GLB1: variants seen among roughly 807,000 people sequenced by gnomAD.
GLB1 encodes beta-galactosidase.
In GLB1, 56 loss-of-function variants were observed where a neutral mutation model predicts 74.0. The ratio of observed to expected loss-of-function variants is 0.76; its 90% CI spans 0.61 to 0.94. The LOEUF (loss-of-function observed/expected upper bound fraction) is 0.94. Ranked by LOEUF, GLB1 falls within the 40% of genes least tolerant of loss-of-function variation. The pLI, the probability that GLB1 is intolerant of heterozygous loss-of-function variation, is 0.00. For synonymous variants in GLB1, 323 were observed against 323.6 expected, an observed-to-expected ratio of 1.00 and a Z score of 0.02; for missense variants, 787 against 845.5, an observed-to-expected ratio of 0.93 and a Z score of 0.86.
chr3:33,053,444 T>C, intron 7 of GLB1, 47 bp downstream of exon 7: 2 of 1,613,988 alleles, frequency 1.2e-6, no homozygotes, highest in Non-Finnish European at 8.5e-7. Flanking sequence ...GCATGTAACT[T>C]TTCTCTCTTA....
the GLB1 span, among the ~76,000 whole-genome samples, chr3:32,985,256 AT>A: frequency 6.6e-6 from 1 of 151,782 alleles, no homozygotes; most frequent in Non-Finnish European, 1.5e-5. Context: ...TATTTTATGC[AT>A]CTGCATGTTT....
intron 1 of GLB1, chr3:33,092,739 G>A: frequency 6.6e-7 from 1 of 1,504,648 alleles, no homozygotes; most frequent in African/African-American, 1.4e-5. Context: ...AGGATGAGTG[G>A]GCAAGGCTGG....
intron 1 of GLB1, among the ~76,000 whole-genome samples, chr3:33,075,872 T>G (rs1388656419): frequency 6.6e-6 from 1 of 151,730 alleles, no homozygotes; most frequent in African/African-American, 2.4e-5. Flanking sequence ...AAATCCCATC[T>G]CTACTAAAAA....
At chr3:33,042,285 C>T (rs955766443) in intron 10 of GLB1, among the ~76,000 whole-genome samples, 1 of 151,032 alleles carries the variant, frequency 6.6e-6, no homozygotes, top group African/African-American at 2.4e-5. Context: ...CCATTACATT[C>T]AGAGTAAAAG....
chr3:32,994,747 C>T (rs1354344509), downstream of GLB1, among the ~76,000 whole-genome samples: 2 of 151,966 alleles, frequency 1.3e-5, no homozygotes, highest in Non-Finnish European at 2.9e-5. Context: ...ACGGCAAAAC[C>T]CCGTCTCTGC....
the GLB1 span, among the ~76,000 whole-genome samples, chr3:32,986,803 C>T: frequency 2.9e-3 from 441 of 152,226 alleles, 4 homozygotes; most frequent in African/African-American, 0.01. Flanking sequence ...GTTGGTCAGG[C>T]TGGTCATGAA....
Position 33,093,045 on chromosome 3 carries a change from A to G in GLB1, c.75+3966T>C, listed in dbSNP as rs750805346. 1 of 1,614,110 alleles carries G rather than the reference A, an allele frequency of 6.2e-7. No individual in the cohort carries two copies. The highest frequency in any genetic ancestry group is 1.3e-5 in the African/African-American group (1 of 74,944). The stretch of plus-strand genomic sequence containing the variant: ...TGTGTGCCCAGAAAGGATCAGGTTA[A>G]TATCTGGCCGAGCCTGGAGAGCTCT... On this transcript the variant is annotated intron_variant, in intron 1 of 15. Coordinates refer to ENST00000307363, the MANE Select transcript of GLB1 (RefSeq NM_000404.4). This position sits in a 1 kb window ranked among gnomAD's most constrained non-coding sequence, Gnocchi z 6.0.
At chr3:33,079,300 T>C (rs1700239697) in intron 1 of GLB1, among the ~76,000 whole-genome samples, 1 of 152,210 alleles carries the variant, frequency 6.6e-6, no homozygotes, top group Non-Finnish European at 1.5e-5. Flanking sequence ...TTAAAACTCA[T>C]CAAATGGTAC....
chr3:33,074,374 AAGGAAGGAAGGAAGG>A (rs1227801789), intron 1 of GLB1, among the ~76,000 whole-genome samples: 3 of 130,034 alleles, frequency 2.3e-5, no homozygotes, highest in Admixed American at 8.4e-5. Flanking sequence ...GGAAGGAAGG[AAGGAAGGAAGGAAGG>A]AAGAAAGAAA....
chr3:33,029,435 A>C lies in GLB1; in HGVS notation c.1069-5110T>G, dbSNP rs373666043. ...AAGAAAGTACTCTGTGTCAGGTCCTATGCTTGGTACTAGACTTATAAACCT... is the reference window on the plus strand; with the variant it reads ...AAGAAAGTACTCTGTGTCAGGTCCTCTGCTTGGTACTAGACTTATAAACCT... On this transcript the variant is annotated intron_variant, in intron 10 of 15. Coordinates refer to ENST00000307363, the MANE Select transcript of GLB1 (RefSeq NM_000404.4). Among the ~76,000 whole-genome samples the C allele has an allele frequency of 1.2e-4, 19 of 152,326 alleles. No individual in the cohort carries two copies. In the East Asian group the frequency reaches 3.3e-3, roughly 26 times the overall value.
chr3:32,998,100 T>C (rs146639279), intron 15 of GLB1, among the ~76,000 whole-genome samples: 3 of 152,326 alleles, frequency 2.0e-5, no homozygotes, highest in Non-Finnish European at 4.4e-5. Context: ...ATAAACAATT[T>C]CTGTGAGTAG....
Position 33,046,225 on chromosome 3 carries a change from G to A in GLB1, c.963C>T (p.Asn321=), listed in dbSNP as rs1698734997. The stretch of plus-strand genomic sequence containing the variant: ...TGGTGGGCTGTGCTGCATAGGGTGA[G>A]TTGGCCCCTAGAAGACAAAAATGTG... ...GTNFAYWNGA[N]SPYAAQPTSY... Residue 321 remains asparagine, a synonymous_variant, in exon 10 of 16, where the codon AAC becomes AAT. Coordinates refer to ENST00000307363, the MANE Select transcript of GLB1 (RefSeq NM_000404.4). The A allele has an allele frequency of 1.2e-6, 2 of 1,614,008 alleles. No homozygotes were observed. The highest frequency in any genetic ancestry group is 2.7e-5 in the African/African-American group (2 of 75,002).
chr3:33,074,561 A>C (rs986292611), intron 1 of GLB1, among the ~76,000 whole-genome samples: 3 of 149,680 alleles, frequency 2.0e-5, no homozygotes, highest in African/African-American at 7.4e-5. Context: ...TCACTTCAGG[A>C]GCTAAAATGT....
At chr3:32,995,217 GCTC>G (rs1299797679), downstream of GLB1, among the ~76,000 whole-genome samples, 32 of 152,280 alleles carry the variant, frequency 2.1e-4, no homozygotes, top group African/African-American at 7.0e-4. Flanking sequence ...ACACTCCACT[GCTC>G]GTGCCTTCTG....
chr3:32,961,574 G>T, the GLB1 span, among the ~76,000 whole-genome samples: 1 of 152,176 alleles, frequency 6.6e-6, no homozygotes, highest in Non-Finnish European at 1.5e-5. Flanking sequence ...GAGAGCCATC[G>T]GGTTGTGAAG....
chr3:33,065,379 T>G (rs1296463039), intron 5 of GLB1, 84 bp downstream of exon 5: 43 of 1,496,938 alleles, frequency 2.9e-5, no homozygotes, highest in Non-Finnish European at 1.9e-5. Context: ...ATGAGGCTCA[T>G]GTCTGCATCA....
intron 10 of GLB1, chr3:33,034,411 A>C: frequency 1.3e-6 from 1 of 744,870 alleles, no homozygotes; most frequent in Non-Finnish European, 2.5e-6. Context: ...AGAAGTTTCC[A>C]TCAGGTGGCT....
chr3:33,001,295 A>G (rs187938112), intron 15 of GLB1, among the ~76,000 whole-genome samples: 9 of 151,674 alleles, frequency 5.9e-5, no homozygotes, highest in African/African-American at 2.2e-4. Context: ...CAGGCACAAT[A>G]CAGCCTCAAA....
intron 4 of GLB1, among the ~76,000 whole-genome samples, chr3:33,066,463 C>A (rs755678674): frequency 1.3e-5 from 2 of 152,154 alleles, no homozygotes; most frequent in African/African-American, 2.4e-5. Flanking sequence ...AGAGTCCCCA[C>A]CAGCAAGAAG....
Sources: allele counts gnomAD v4.1 joint callset (sites outside exome capture counted in the v4.1 genomes callset), GRCh38; gene constraint gnomAD v4.1.1; non-coding constraint Gnocchi (gnomAD v3.1); transcripts MANE v1.5; gene names NCBI Gene and HGNC (gene_info 2026-07-23, HGNC 2026-07-21).